Variants in KCNA6 observed in about 807,000 individuals in gnomAD.
The protein encoded by KCNA6 is human brain potassium channel-2.
KCNA6 carries 17 observed loss-of-function variants against 29.5 expected under a neutral mutation model. The ratio of observed to expected loss-of-function variants is 0.58; its 90% confidence interval spans 0.39 to 0.86. KCNA6 has a LOEUF of 0.86. Among genes scored for constraint, KCNA6 ranks in the 40% least tolerant of loss-of-function variants. KCNA6 has a pLI of 0.00. For missense variants in KCNA6, 450 were observed against 703.4 expected, an observed-to-expected ratio of 0.64 and a Z score of 4.07; for synonymous variants, 296 against 304.7, an observed-to-expected ratio of 0.97 and a Z score of 0.30.
chr12:4,837,305 C>G, the KCNA6 span, among the ~76,000 whole-genome samples: 24 of 152,292 alleles, frequency 1.6e-4, 1 homozygote, highest in South Asian at 3.9e-3. Flanking sequence ...CATCACTATC[C>G]TTTGTAATAA....
chr12:4,835,604 G>A, the KCNA6 span, among the ~76,000 whole-genome samples: 1 of 152,076 alleles, frequency 6.6e-6, no homozygotes, highest in East Asian at 1.9e-4. Flanking sequence ...AAGTTCCAGA[G>A]TGGAACTCTC....
chr12:4,844,000 C>G, the KCNA6 span, among the ~76,000 whole-genome samples: 2 of 152,350 alleles, frequency 1.3e-5, no homozygotes, highest in East Asian at 1.9e-4. Flanking sequence ...CCATGTCTCT[C>G]TCTTCCTTAC....
At chr12:4,820,668 A>AT in the KCNA6 span, among the ~76,000 whole-genome samples, 2 of 151,916 alleles carry the variant, frequency 1.3e-5, no homozygotes, top group Admixed American at 6.6e-5. Flanking sequence ...GAATTAAGTG[A>AT]TTTTAACTTT....
chr12:4,813,652 A>G (rs1435807148), downstream of KCNA6: 1 of 167,024 alleles, frequency 6.0e-6, no homozygotes, highest in Non-Finnish European at 1.5e-5. Flanking sequence ...CAAACCTGAA[A>G]CACAGTAGAA....
Position 4,811,412 on chromosome 12 carries a change from C to A in KCNA6, c.1371C>A (p.Ile457=), listed in dbSNP as rs370794345. The change falls in exon 1 of 1, where the codon ATC becomes ATA. Residue 457 remains isoleucine (I), a synonymous_variant. Transcript: ENST00000280684. This position sits in a 1 kb window ranked among gnomAD's most constrained non-coding sequence, Gnocchi z 7.1. ...CCATTGCCCTGCCTGTGCCCGTCAT[C>A]GTCTCCAACTTCAACTACTTCTACC... 4.9e-5 allele frequency: 79 copies of A among 1,614,042 alleles called. No homozygotes were observed. The Middle Eastern group carries it at 9.9e-4, about 20-fold the overall frequency.
At chr12:4,823,652 G>A in the KCNA6 span, among the ~76,000 whole-genome samples, 103 of 152,088 alleles carry the variant, frequency 6.8e-4, 2 homozygotes, top group African/African-American at 2.3e-3. Context: ...CTGTAATCTC[G>A]GCTACCCTGG....
At chr12:4,827,210 T>TTCCTTCCTTCCC in the KCNA6 span, among the ~76,000 whole-genome samples, 2 of 138,572 alleles carry the variant, frequency 1.4e-5, no homozygotes, top group African/African-American at 5.5e-5. Flanking sequence ...CCTTCCCTCC[T>TTCCTTCCTTCCC]TCCTTCCTTC....
rs1295995927 is a variant in KCNA6 at position 4,810,082 on chromosome 12, A to T, written c.41A>T (p.Glu14Val). Residue 14 changes from glutamate (E) to valine (V), a missense_variant, in exon 1 of 1, where the codon GAG (glutamate) becomes GTG (valine). Coordinates refer to ENST00000280684, the Ensembl canonical transcript of KCNA6. This position sits in a 1 kb window ranked among gnomAD's most constrained non-coding sequence, Gnocchi z 7.5. The stretch of plus-strand genomic sequence containing the variant: ...TCCCTTACGCTGGCGGCGCCGGGGG[A>T]GGTCCGTGGGCCGGAGGGAGAGCAA... 6.5e-7 allele frequency: 1 copy of T among 1,550,160 alleles called. No individual in the cohort carries two copies. The highest frequency in any genetic ancestry group is 1.2e-5 in the South Asian group (1 of 81,314).
exon 1 of KCNA6, chr12:4,813,184 G>A (rs1485141859): frequency 6.0e-6 from 1 of 166,676 alleles, no homozygotes; most frequent in East Asian, 1.9e-4. Context: ...GCCTTATGAG[G>A]GTTTGCTTGA....
Position 4,811,686 on chromosome 12 carries a change from T to C in KCNA6, c.*55T>C. The C allele has an allele frequency of 3.9e-6, 6 of 1,549,870 alleles. No individual in the cohort carries two copies. The highest frequency in any genetic ancestry group is 5.2e-6 in the Non-Finnish European group (6 of 1,145,846). The stretch of plus-strand genomic sequence containing the variant: ...GCACTGAGCTAACAGTCTCTTAGGC[T>C]TCCTTCTCATTTCCACTACTCACTC... On this transcript the variant is annotated 3_prime_UTR_variant, in exon 1 of 1. Transcript: ENST00000280684. This position sits in a 1 kb window ranked among gnomAD's most constrained non-coding sequence, Gnocchi z 7.1.
At chr12:4,826,200 A>G in the KCNA6 span, among the ~76,000 whole-genome samples, 1 of 152,094 alleles carries the variant, frequency 6.6e-6, no homozygotes, top group Non-Finnish European at 1.5e-5. Flanking sequence ...TCTCCTGGAA[A>G]GCTGTTTTCT....
the KCNA6 span, among the ~76,000 whole-genome samples, chr12:4,837,501 C>T: frequency 6.6e-6 from 1 of 152,010 alleles, no homozygotes; most frequent in African/African-American, 2.4e-5. Context: ...AGCCCTCAAC[C>T]TGTGGGATCT....
At chr12:4,835,944 T>TG in the KCNA6 span, among the ~76,000 whole-genome samples, 5 of 148,206 alleles carry the variant, frequency 3.4e-5, no homozygotes, top group East Asian at 4.0e-4. Context: ...GTTTTTTTTT[T>TG]TTTTTTTTTT....
the KCNA6 span, among the ~76,000 whole-genome samples, chr12:4,837,279 G>A: frequency 4.9e-4 from 75 of 152,150 alleles, no homozygotes; most frequent in Admixed American, 4.6e-4. Flanking sequence ...TCCATACCTT[G>A]CCCTGTACAT....
chr12:4,810,785 C>G lies in KCNA6; in HGVS notation c.744C>G (p.Ser248=). Reference sequence around the variant, plus strand: ...CTGGGGAAATGGGGACCGGGGGCTCCTCCTCACTCAGTACTCTTGGGGGCT... The same window carrying G: ...CTGGGGAAATGGGGACCGGGGGCTCGTCCTCACTCAGTACTCTTGGGGGCT... The change falls in exon 1 of 1, where the codon TCC becomes TCG. Residue 248 remains serine, a synonymous_variant. Coordinates refer to ENST00000280684, the Ensembl canonical transcript of KCNA6. The surrounding 1 kb of genome is among the most constrained non-coding windows in gnomAD (Gnocchi z 7.5). 6.3e-7 allele frequency: 1 copy of G among 1,594,034 alleles called. No individual in the cohort carries two copies. The highest frequency in any genetic ancestry group is 8.5e-7 in the Non-Finnish European group (1 of 1,170,556).
In KCNA6 at chr12:4,810,025, C is replaced by T; in HGVS notation, c.-17C>T. On this transcript the variant is annotated 5_prime_UTR_variant, in exon 1 of 1. Transcript: ENST00000280684. The surrounding 1 kb of genome is among the most constrained non-coding windows in gnomAD (Gnocchi z 7.5). ...TGGGCGCCGTCCTAGTGGCGGGGAG[C>T]GCACCTCCGAGGGGGCATGAGATCG... is the stretch of plus-strand genomic sequence containing the variant. The T allele has an allele frequency of 4.8e-6, 7 of 1,472,620 alleles. No individual in the cohort carries two copies. The highest frequency in any genetic ancestry group is 6.3e-6 in the Non-Finnish European group (7 of 1,118,338). 91.2% of individuals were successfully genotyped at this position (1,472,620 alleles called of 1,614,324 possible). A position where few individuals can be genotyped will look rare whatever the true frequency, so the allele number is the denominator to read the frequency against.
chr12:4,836,631 T>C, the KCNA6 span, among the ~76,000 whole-genome samples: 2 of 152,178 alleles, frequency 1.3e-5, no homozygotes, highest in Non-Finnish European at 2.9e-5. Flanking sequence ...GGACTCAAGA[T>C]TGCGAAGAGT....
chr12:4,845,478 G>A, the KCNA6 span, among the ~76,000 whole-genome samples: 28 of 152,208 alleles, frequency 1.8e-4, no homozygotes, highest in Admixed American at 5.9e-4. Context: ...TGGATGCTCC[G>A]CAGTCACGTT....
the KCNA6 span, among the ~76,000 whole-genome samples, chr12:4,848,986 A>G: frequency 0.58 from 87,909 of 151,066 alleles, 25,881 homozygotes; most frequent in Admixed American, 0.64. Context: ...CGGGTGTGGT[A>G]GCGGGCGCCT....
Sources: allele counts gnomAD v4.1 joint callset (sites outside exome capture counted in the v4.1 genomes callset), GRCh38; gene constraint gnomAD v4.1.1; non-coding constraint Gnocchi (gnomAD v3.1); transcripts MANE v1.5; gene names NCBI Gene and HGNC (gene_info 2026-07-23, HGNC 2026-07-21).